The following MAOB variants were observed in gnomAD, a reference collection of about 807,000 sequenced individuals.
The protein encoded by MAOB is amine oxidase [flavin-containing] B.
A neutral mutation model predicts 41.9 loss-of-function variants in MAOB; 15 were observed. That is an observed-to-expected ratio of 0.36 (90% CI 0.24 to 0.55). The LOEUF (loss-of-function observed/expected upper bound fraction) is 0.55, where lower values mean the gene tolerates loss of function less well. MAOB is among the 20% of genes least tolerant of loss of function. MAOB has a pLI of 0.86. For missense variants in MAOB, 345 were observed against 398.7 expected, an observed-to-expected ratio of 0.87 and a Z score of 1.15; for synonymous variants, 167 against 144.2, an observed-to-expected ratio of 1.16 and a Z score of -1.13.
chrX:43,781,594 T>A (rs1455913900), intron 8 of MAOB, 50 bp from the exon 9 acceptor site: 4 of 666,916 alleles, frequency 6.0e-6, no homozygotes, highest in Non-Finnish European at 9.2e-6. Flanking sequence ...TATCAAAATA[T>A]CCATTACAGA....
chrX:43,775,971 T>G (rs1442125201), intron 11 of MAOB, among the ~76,000 whole-genome samples: 6 of 112,620 alleles, frequency 5.3e-5, no homozygotes, highest in Non-Finnish European at 1.1e-4. Context: ...TTGAAAAACA[T>G]TTTGTTTAAA....
chrX:43,774,957 C>T (rs2034233506), intron 12 of MAOB, among the ~76,000 whole-genome samples: 1 of 109,932 alleles, frequency 9.1e-6, no homozygotes, highest in African/African-American at 3.3e-5. Flanking sequence ...TGGAATTGCT[C>T]TTCCAGGGAA....
At chrX:43,803,196 T>C in intron 4 of MAOB, 104 bp downstream of exon 4, 1 of 656,315 alleles carries the variant, frequency 1.5e-6, no homozygotes. Flanking sequence ...TTAGTTACCA[T>C]GTGTTCACAA....
chrX:43,838,406 A>G (rs1602016973), intron 3 of MAOB, among the ~76,000 whole-genome samples: 1 of 112,061 alleles, frequency 8.9e-6, no homozygotes. Flanking sequence ...AACCACTTTG[A>G]TGTCAATCTC....
chrX:43,811,846 A>G (rs887346921), intron 3 of MAOB, among the ~76,000 whole-genome samples: 11 of 111,922 alleles, frequency 9.8e-5, no homozygotes, highest in Admixed American at 1.9e-4. Flanking sequence ...AAACAATCCA[A>G]TTATACCCTC....
intron 10 of MAOB, 33 bp downstream of exon 10, chrX:43,780,309 A>G: frequency 8.7e-7 from 1 of 1,154,920 alleles, no homozygotes; most frequent in Non-Finnish European, 1.2e-6. Flanking sequence ...GAAAGGAAGG[A>G]AGAAACGAAA....
intron 1 of MAOB, among the ~76,000 whole-genome samples, chrX:43,856,688 T>C (rs1420245203): frequency 9.0e-6 from 1 of 110,913 alleles, no homozygotes; most frequent in African/African-American, 3.3e-5. Flanking sequence ...GAAAAGAAAA[T>C]GTTACTAAGG....
chrX:43,874,842 T>C (rs760175546), intron 1 of MAOB, among the ~76,000 whole-genome samples: 16 of 112,303 alleles, frequency 1.4e-4, no homozygotes, highest in African/African-American at 4.5e-4. Context: ...CTTTAATGAT[T>C]CTTCTAACTT....
chrX:43,843,331 T>C (rs2035159777), intron 2 of MAOB, among the ~76,000 whole-genome samples: 1 of 103,903 alleles, frequency 9.6e-6, no homozygotes, highest in Non-Finnish European at 2.0e-5. Context: ...AATTATGTTA[T>C]TTTTCTTCCT....
intron 1 of MAOB, among the ~76,000 whole-genome samples, chrX:43,866,871 C>T (rs533634990): frequency 6.2e-5 from 7 of 112,529 alleles, no homozygotes; most frequent in African/African-American, 2.3e-4. Flanking sequence ...TAAGTGGTTA[C>T]CACTGTGGGC....
At chrX:43,810,100 G>C (rs771875667) in intron 3 of MAOB, among the ~76,000 whole-genome samples, 1 of 101,386 alleles carries the variant, frequency 9.9e-6, no homozygotes, top group Non-Finnish European at 2.0e-5. Context: ...AAAATTAGCC[G>C]GGCGTGGTGG....
chrX:43,804,109 G>A (rs1341414414), intron 3 of MAOB, among the ~76,000 whole-genome samples: 2 of 110,958 alleles, frequency 1.8e-5, no homozygotes, highest in African/African-American at 6.5e-5. Context: ...TAAGAGACAC[G>A]CAAAAAAACC....
rs769133737 is a variant in MAOB, at chrX:43,868,070, T to C, written c.46+14184A>G. ...ATGCCTTTAATTTTAAAGATTAATT[T>C]TAAATGTATTCTGAAGCAACCTTTA... On this transcript the variant is annotated intron_variant, in intron 1 of 14. Coordinates refer to ENST00000378069, the MANE Select transcript of MAOB (RefSeq NM_000898.5). Among the ~76,000 whole-genome samples the C allele has an allele frequency of 3.6e-5, 4 of 112,493 alleles. No homozygotes were observed. In the Admixed American group the frequency reaches 3.8e-4, roughly 11 times the overall value.
rs756794232 is a variant in MAOB at position 43,768,724 on chromosome X, G to GA, written c.1348-9dup. On this transcript the variant is annotated splice_polypyrimidine_tract_variant and intron_variant, in intron 13 of 14. Transcript: ENST00000378069. ...CCCCATGGCATGCAGGATCTGAAAT[G>GA]AAAGAACACACTGGCAAATAGCAAA... The GA allele has an allele frequency of 6.7e-6, 8 of 1,195,812 alleles. No homozygotes were observed. In the East Asian group the frequency reaches 2.4e-4, roughly 36 times the overall value.
chrX:43,870,379 T>G (rs2035393811), intron 1 of MAOB, among the ~76,000 whole-genome samples: 1 of 110,726 alleles, frequency 9.0e-6, no homozygotes, highest in Non-Finnish European at 1.9e-5. Context: ...TGGGCCAGCA[T>G]AGTGATCAAC....
chrX:43,799,172 G>A (rs1055928624), intron 5 of MAOB, among the ~76,000 whole-genome samples: 5 of 111,670 alleles, frequency 4.5e-5, no homozygotes, highest in African/African-American at 1.6e-4. Context: ...CATCATTACA[G>A]CCTGTGAAAT....
intron 2 of MAOB, among the ~76,000 whole-genome samples, chrX:43,843,354 G>GTC (rs1433628530): frequency 3.5e-4 from 16 of 45,992 alleles, no homozygotes; most frequent in African/African-American, 1.4e-3. Flanking sequence ...TTCTCTCTCT[G>GTC]TCTCACACAC....
rs1366284138 is a variant in MAOB, at chrX:43,766,742, A to T, written c.*724T>A. On this transcript the variant is annotated 3_prime_UTR_variant, in exon 15 of 15. Coordinates refer to ENST00000378069, the MANE Select transcript of MAOB (RefSeq NM_000898.5). ...AAAAGTTAAAATCAGCTGGAGACAC[A>T]CCGCACAAAACAGTAAGACTTAAGG... 1 of 112,126 alleles carries T rather than the reference A, an allele frequency of 8.9e-6. No homozygotes were observed. The highest frequency in any genetic ancestry group is 3.2e-5 in the African/African-American group (1 of 30,831). The allele number at this position is 112,126 out of a possible 1,213,427, so 9.2% of individuals were successfully genotyped here.
intron 2 of MAOB, among the ~76,000 whole-genome samples, chrX:43,841,642 T>A (rs1344972466): frequency 2.7e-5 from 3 of 112,169 alleles, no homozygotes; most frequent in East Asian, 2.8e-4. Flanking sequence ...GGCGTTATAC[T>A]ACCCAACTTC....
Sources: gnomAD v4.1 joint callset for allele counts (sites outside exome capture counted in the v4.1 genomes callset) on GRCh38, gnomAD v4.1.1 for gene constraint, MANE v1.5 for transcripts, NCBI Gene and HGNC (gene_info 2026-07-23, HGNC 2026-07-21) for gene names.